THEM4: variants seen among roughly 807,000 people sequenced by gnomAD.
The protein encoded by THEM4 is thioesterase superfamily member 4, also known as acyl-coenzyme A thioesterase THEM4.
Under a neutral mutation model 25.0 loss-of-function variants are expected in THEM4, and 22 were observed. The ratio of observed to expected loss-of-function variants is 0.88; its 90% CI spans 0.63 to 1.26. THEM4 has a LOEUF of 1.26. Ranked by LOEUF, THEM4 falls within the 50% of genes most tolerant of loss-of-function variation. THEM4 has a pLI of 0.00. For missense variants in THEM4, 286 were observed against 300.3 expected, an observed-to-expected ratio of 0.95 and a Z score of 0.35; for synonymous variants, 113 against 105.6, an observed-to-expected ratio of 1.07 and a Z score of -0.43.
intron 4 of THEM4, among the ~76,000 whole-genome samples, chr1:151,878,716 CTA>C (rs968558916): frequency 6.6e-6 from 1 of 152,058 alleles, no homozygotes; most frequent in Non-Finnish European, 1.5e-5. Flanking sequence ...CTAAATGTAA[CTA>C]ATATTTAGGC....
intron 2 of THEM4, chr1:151,891,123 T>C (rs1654083475): frequency 6.6e-6 from 1 of 152,236 alleles, no homozygotes; most frequent in Non-Finnish European, 1.5e-5. Context: ...TTGTTGGAAA[T>C]GCAGAATCTC....
At chr1:151,883,136 G>A (rs1000231115) in intron 4 of THEM4, among the ~76,000 whole-genome samples, 7 of 35,408 alleles carry the variant, frequency 2.0e-4, no homozygotes, top group African/African-American at 4.4e-4. Context: ...ATTTATTTTC[G>A]AGATGGAGTC....
intron 4 of THEM4, among the ~76,000 whole-genome samples, chr1:151,886,927 A>G (rs1294686019): frequency 6.6e-6 from 1 of 152,228 alleles, no homozygotes; most frequent in Non-Finnish European, 1.5e-5. Flanking sequence ...CAAGAAAAAG[A>G]AATCAAAGGT....
intron 1 of THEM4, among the ~76,000 whole-genome samples, chr1:151,906,146 G>A (rs1165228117): frequency 6.6e-6 from 1 of 152,248 alleles, no homozygotes; most frequent in African/African-American, 2.4e-5. Flanking sequence ...GGAGAGGCGC[G>A]AGCAGGAACC....
At chr1:151,888,082 GACTTTTGAGAGTTCAGCC>G (rs1432679888) in intron 4 of THEM4, among the ~76,000 whole-genome samples, 173 bp downstream of exon 4, 1 of 152,154 alleles carries the variant, frequency 6.6e-6, no homozygotes, top group East Asian at 1.9e-4. Context: ...TGCTTTGCTG[GACTTTTGAGAGTTCAGCC>G]TTGGTTGACA....
intron 1 of THEM4, among the ~76,000 whole-genome samples, chr1:151,907,729 C>A (rs978438313): frequency 6.6e-6 from 1 of 152,198 alleles, no homozygotes; most frequent in Admixed American, 6.5e-5. Context: ...TGGCATTCCT[C>A]TTCTTTTTGG....
chr1:151,900,019 AC>A (rs1572082353), intron 1 of THEM4, among the ~76,000 whole-genome samples: 1 of 152,210 alleles, frequency 6.6e-6, no homozygotes, highest in East Asian at 1.9e-4. Context: ...CTCAAACAAA[AC>A]AATTATCAGC....
intron 1 of THEM4, among the ~76,000 whole-genome samples, chr1:151,896,547 T>C (rs1277458775): frequency 6.6e-6 from 1 of 152,166 alleles, no homozygotes; most frequent in Non-Finnish European, 1.5e-5. Flanking sequence ...ATGATGAAAT[T>C]AAGGCCTAAA....
Position 151,877,145 on chromosome 1 carries a change from A to G in THEM4, c.558-20T>C, listed in dbSNP as rs767610493. On this transcript the variant is annotated intron_variant, in intron 4 of 5. Coordinates refer to ENST00000368814, the MANE Select transcript of THEM4 (RefSeq NM_053055.5). ...ATAGGTCTGCAGAATAAAATGAAAA[A>G]GGAAAAAAATCAGTTTTTATCTGAC... is the stretch of plus-strand genomic sequence containing the variant. 26 of 1,592,020 alleles carry G rather than the reference A, an allele frequency of 1.6e-5. 1 individual carries two copies. In the African/African-American group the frequency reaches 3.4e-4, roughly 21 times the overall value.
At chr1:151,876,510 C>A (rs180856609) in intron 5 of THEM4, among the ~76,000 whole-genome samples, 2 of 149,210 alleles carry the variant, frequency 1.3e-5, no homozygotes, top group Non-Finnish European at 3.0e-5. Context: ...TGCAGAGGTG[C>A]GATCTCAGCT....
rs143291447 is a variant in THEM4 at position 151,903,684 on chromosome 1, G to A, written c.99+5676C>T. Among the ~76,000 whole-genome samples the A allele has an allele frequency of 3.0e-3, 452 of 152,308 alleles. 1 individual carries two copies. Among genetic ancestry groups the A allele is most frequent in the African/African-American group, 0.01 (423 of 41,562 alleles). On this transcript the variant is annotated intron_variant, in intron 1 of 5. Coordinates refer to ENST00000368814, the MANE Select transcript of THEM4 (RefSeq NM_053055.5). Reference sequence around the variant, plus strand: ...ATGTATTGACCAAAACATGTCAACTGAGAGGCAGAATAGTATGTATAAGCT... The same window carrying A: ...ATGTATTGACCAAAACATGTCAACTAAGAGGCAGAATAGTATGTATAAGCT...
Position 151,894,687 on chromosome 1 carries a change from G to T in THEM4, c.286+321C>A, listed in dbSNP as rs116320510. The T allele has an allele frequency of 1.0e-3, 513 of 511,830 alleles. 3 individuals are homozygous for T. Among genetic ancestry groups the T allele is most frequent in the African/African-American group, 9.3e-3 (479 of 51,472 alleles). The allele number at this position is 511,830 out of a possible 1,614,324, so 31.7% of individuals were successfully genotyped here. A position where few individuals can be genotyped will look rare whatever the true frequency, so the allele number is the denominator to read the frequency against. ...GATATAACCAGATATGGGATAAAGG[G>T]TGAAATGAGATTAGATGACAGCCTC... On this transcript the variant is annotated intron_variant, in intron 2 of 5. Coordinates refer to ENST00000368814, the MANE Select transcript of THEM4 (RefSeq NM_053055.5).
intron 1 of THEM4, among the ~76,000 whole-genome samples, chr1:151,901,824 C>T (rs556229542): frequency 6.6e-6 from 1 of 151,872 alleles, no homozygotes; most frequent in Admixed American, 6.5e-5. Context: ...GCCTGGGCAA[C>T]AAGAGCGAAA....
intron 4 of THEM4, among the ~76,000 whole-genome samples, chr1:151,879,396 AT>A (rs900634253): frequency 2.0e-5 from 3 of 151,662 alleles, no homozygotes; most frequent in Non-Finnish European, 2.9e-5. Flanking sequence ...TTTACTATAG[AT>A]TTTTTTTAAA....
chr1:151,888,850 T>A (rs556771794), intron 3 of THEM4, among the ~76,000 whole-genome samples: 1 of 149,960 alleles, frequency 6.7e-6, no homozygotes, highest in Non-Finnish European at 1.5e-5. Context: ...AAACTATACA[T>A]ATTCATTGTT....
At chr1:151,876,297 C>T (rs554247741) in intron 5 of THEM4, among the ~76,000 whole-genome samples, 12 of 152,250 alleles carry the variant, frequency 7.9e-5, no homozygotes, top group African/African-American at 1.4e-4. Context: ...ATGTTTGCTA[C>T]GTTTTGCCAT....
chr1:151,888,023 A>G (rs543125812), intron 4 of THEM4, among the ~76,000 whole-genome samples: 1 of 152,250 alleles, frequency 6.6e-6, no homozygotes, highest in African/African-American at 2.4e-5. Context: ...GACAATTCTG[A>G]GGCATAAATT....
chr1:151,894,319 G>A (rs953273034), intron 2 of THEM4, among the ~76,000 whole-genome samples: 1 of 152,022 alleles, frequency 6.6e-6, no homozygotes, highest in African/African-American at 2.4e-5. Context: ...TAAAACCCAC[G>A]GAAAACATAA....
In THEM4 at chr1:151,871,653, C is replaced by G. The variant is rs1653556442; in HGVS notation, c.*3235G>C. 6.6e-6 allele frequency among the ~76,000 whole-genome samples: 1 copy of G among 152,190 alleles called. No individual in the cohort carries two copies. The highest frequency in any genetic ancestry group is 2.1e-4 in the South Asian group (1 of 4,830). Reference sequence around the variant, plus strand: ...AGCTTTTTCCTTAGTTGATCTTGTGCAGCATCTAACCTGGATGTGAGCAAA... The same window carrying G: ...AGCTTTTTCCTTAGTTGATCTTGTGGAGCATCTAACCTGGATGTGAGCAAA... On this transcript the variant is annotated 3_prime_UTR_variant, in exon 6 of 6. Coordinates refer to ENST00000368814, the MANE Select transcript of THEM4 (RefSeq NM_053055.5).
Sources: allele counts gnomAD v4.1 joint callset (sites outside exome capture counted in the v4.1 genomes callset), GRCh38; gene constraint gnomAD v4.1.1; transcripts MANE v1.5; gene names NCBI Gene and HGNC (gene_info 2026-07-23, HGNC 2026-07-21).